The following SCAPER variants were observed in gnomAD, a reference collection of about 807,000 sequenced individuals.
SCAPER encodes the protein S-phase cyclin A associated protein in the ER, also known as S phase cyclin A-associated protein in the endoplasmic reticulum.
SCAPER carries 98 observed loss-of-function variants against 182.2 expected under a neutral mutation model. The observed-to-expected ratio is 0.54, with a 90% CI of 0.46 to 0.64. SCAPER has a LOEUF of 0.64. SCAPER is among the 30% of genes least tolerant of loss of function. The pLI is 0.00. For synonymous variants in SCAPER, 605 were observed against 564.6 expected (o/e 1.07, Z -1.01); for missense variants, 1,432 against 1,690.0 (o/e 0.85, Z 2.68).
intron 14 of SCAPER, among the ~76,000 whole-genome samples, chr15:76,756,079 C>T (rs904982498): frequency 6.6e-6 from 1 of 151,786 alleles, no homozygotes; most frequent in African/African-American, 2.4e-5. Flanking sequence ...CTCGTCTCTA[C>T]CAAAAATATA....
intron 2 of SCAPER, among the ~76,000 whole-genome samples, chr15:76,872,465 T>C (rs199712569): frequency 6.6e-6 from 1 of 152,168 alleles, no homozygotes; most frequent in East Asian, 1.9e-4. Flanking sequence ...TAAGAGCTCA[T>C]TACCTTCAAA....
intron 16 of SCAPER, 148 bp from the exon 17 acceptor site, chr15:76,728,885 C>T: frequency 1.0e-5 from 8 of 791,478 alleles, no homozygotes; most frequent in Non-Finnish European, 1.3e-5. Context: ...AAAGTTTAAA[C>T]AAAAATCAAA....
chr15:76,597,688 C>G (rs901419720), intron 22 of SCAPER, among the ~76,000 whole-genome samples: 4 of 120,380 alleles, frequency 3.3e-5, no homozygotes, highest in African/African-American at 1.0e-4. Flanking sequence ...CTGACAAAAA[C>G]AAGAAATAGG....
intron 20 of SCAPER, among the ~76,000 whole-genome samples, chr15:76,689,622 GCAA>G (rs1202144275): frequency 6.6e-6 from 1 of 151,714 alleles, no homozygotes; most frequent in African/African-American, 2.4e-5. Flanking sequence ...CCTAGAAGTA[GCAA>G]CACCTCAGTT....
chr15:76,743,471 T>C (rs1261354894), intron 15 of SCAPER, among the ~76,000 whole-genome samples: 2 of 152,116 alleles, frequency 1.3e-5, no homozygotes, highest in South Asian at 4.1e-4. Flanking sequence ...TAAAAATCAA[T>C]GTACAAAAAT....
chr15:76,507,308 C>T (rs890714721), intron 23 of SCAPER, among the ~76,000 whole-genome samples: 2 of 152,118 alleles, frequency 1.3e-5, no homozygotes, highest in African/African-American at 4.8e-5. Flanking sequence ...AGAGAGGTGT[C>T]AGGAGAAACC....
intron 23 of SCAPER, among the ~76,000 whole-genome samples, chr15:76,555,553 G>T (rs368940263): frequency 6.6e-6 from 1 of 152,078 alleles, no homozygotes; most frequent in South Asian, 2.1e-4. Flanking sequence ...TACCAACCAA[G>T]CAAACAGAAA....
At chr15:76,626,480 G>A (rs2052582918) in intron 21 of SCAPER, among the ~76,000 whole-genome samples, 1 of 152,206 alleles carries the variant, frequency 6.6e-6, no homozygotes, top group Non-Finnish European at 1.5e-5. Context: ...ACTTTGAGAG[G>A]CTGAGGCGGG....
At chr15:76,830,270 A>G (rs112684603) in intron 5 of SCAPER, among the ~76,000 whole-genome samples, 3 of 152,218 alleles carry the variant, frequency 2.0e-5, no homozygotes, top group Admixed American at 6.5e-5. Flanking sequence ...AAGTCACTCA[A>G]GATCCTTAAC....
At chr15:76,543,074 A>G (rs2044921677) in intron 23 of SCAPER, among the ~76,000 whole-genome samples, 1 of 152,194 alleles carries the variant, frequency 6.6e-6, no homozygotes, top group South Asian at 2.1e-4. Flanking sequence ...TAGATTTTAA[A>G]TAGTATGTAT....
intron 27 of SCAPER, among the ~76,000 whole-genome samples, chr15:76,402,267 G>T (rs1451428325): frequency 6.6e-6 from 1 of 152,090 alleles, no homozygotes; most frequent in Non-Finnish European, 1.5e-5. Flanking sequence ...CCAATTTATT[G>T]TTTGTATTAT....
intron 17 of SCAPER, among the ~76,000 whole-genome samples, chr15:76,721,834 G>A (rs1486133588): frequency 3.0e-4 from 46 of 152,240 alleles, no homozygotes; most frequent in Middle Eastern, 3.4e-3. Context: ...GGGCTGAGAC[G>A]ATGGGGTTTT....
At chr15:76,830,917 G>T (rs2068413980) in intron 5 of SCAPER, among the ~76,000 whole-genome samples, 2 of 152,210 alleles carry the variant, frequency 1.3e-5, no homozygotes, top group South Asian at 4.1e-4. Context: ...CCCGAACAGG[G>T]TTGCCAAGCA....
At chr15:76,482,650 C>T (rs1192625001) in intron 24 of SCAPER, among the ~76,000 whole-genome samples, 3 of 152,088 alleles carry the variant, frequency 2.0e-5, no homozygotes, top group Non-Finnish European at 2.9e-5. Flanking sequence ...GCAATTAAAG[C>T]AAAGCTGTAG....
intron 14 of SCAPER, among the ~76,000 whole-genome samples, chr15:76,761,295 T>C (rs1259886674): frequency 6.6e-6 from 1 of 152,084 alleles, no homozygotes. Context: ...GTTTTGTTGA[T>C]TTTTTCCCAT....
chr15:76,647,588 T>A (rs915944274), intron 21 of SCAPER, among the ~76,000 whole-genome samples: 1 of 152,098 alleles, frequency 6.6e-6, no homozygotes, highest in African/African-American at 2.4e-5. Flanking sequence ...TGGGGCAGAG[T>A]AGCAGAGTGA....
chr15:76,485,388 C>T (rs751479913), intron 24 of SCAPER, among the ~76,000 whole-genome samples: 5 of 152,130 alleles, frequency 3.3e-5, no homozygotes, highest in Non-Finnish European at 5.9e-5. Context: ...CCAAAGATGA[C>T]ACAAACAAAT....
chr15:76,443,412 G>A (rs568925227), intron 25 of SCAPER, among the ~76,000 whole-genome samples: 17 of 152,292 alleles, frequency 1.1e-4, no homozygotes, highest in Admixed American at 1.1e-3. Flanking sequence ...AATTTATGGT[G>A]AAGCTTGGGT....
At position 76,604,551 on chromosome 15, in the gene SCAPER, G is replaced by A. The variant is rs1230352755; in HGVS notation, c.2711+17213C>T. On this transcript the variant is annotated intron_variant, in intron 22 of 31. Coordinates refer to ENST00000563290, the MANE Select transcript of SCAPER (RefSeq NM_020843.4). ...TATGAACTTTAAAGTAGTTTTTTCT[G>A]ATTCTGTGAAGAAAGTCATTGGTAG... Among the ~76,000 whole-genome samples the A allele has an allele frequency of 1.6e-4, 14 of 86,918 alleles. 3 individuals carry two copies. In the South Asian group the frequency reaches 2.1e-3, roughly 13 times the overall value. 57.0% of individuals were successfully genotyped at this position (86,918 alleles called of 152,430 possible). A position where few individuals can be genotyped will look rare whatever the true frequency, so the allele number is the denominator to read the frequency against.
Sources: allele counts gnomAD v4.1 joint callset (sites outside exome capture counted in the v4.1 genomes callset), GRCh38; gene constraint gnomAD v4.1.1; transcripts MANE v1.5; gene names NCBI Gene and HGNC (gene_info 2026-07-23, HGNC 2026-07-21).